Variants in MSRA observed in about 807,000 individuals in gnomAD.
MSRA encodes methionine sulfoxide reductase A, also known as mitochondrial peptide methionine sulfoxide reductase.
Under a neutral mutation model 31.3 loss-of-function variants are expected in MSRA, and 54 were observed. The ratio of observed to expected loss-of-function variants is 1.73; its 90% CI spans 1.39 to 2.17. The LOEUF is 2.17. MSRA is among the 30% of genes most tolerant of loss of function. The pLI is 0.00. For synonymous variants in MSRA, 169 were observed against 116.5 expected, an observed-to-expected ratio of 1.45 and a Z score of -2.90; for missense variants, 507 against 300.9, an observed-to-expected ratio of 1.69 and a Z score of -5.07.
chr8:10,363,119 C>G (rs570270721), intron 5 of MSRA, among the ~76,000 whole-genome samples: 1 of 152,236 alleles, frequency 6.6e-6, no homozygotes, highest in Non-Finnish European at 1.5e-5. Flanking sequence ...GTCCACTCTT[C>G]TAGCACTTTC....
intron 4 of MSRA, among the ~76,000 whole-genome samples, chr8:10,318,404 T>A (rs1225931613): frequency 6.6e-6 from 1 of 152,186 alleles, no homozygotes; most frequent in Non-Finnish European, 1.5e-5. Flanking sequence ...GTCCTGGTTA[T>A]TCCTTGAGAC....
chr8:10,180,075 C>T (rs1305156231), intron 1 of MSRA, among the ~76,000 whole-genome samples: 1 of 152,182 alleles, frequency 6.6e-6, no homozygotes, highest in Non-Finnish European at 1.5e-5. Flanking sequence ...TTAAGGGACT[C>T]AGTCCTTCAA....
intron 5 of MSRA, among the ~76,000 whole-genome samples, chr8:10,338,316 G>A (rs1233809685): frequency 2.6e-5 from 4 of 152,182 alleles, no homozygotes; most frequent in Non-Finnish European, 5.9e-5. Flanking sequence ...TCCTAAAGCA[G>A]GGAATAGAAA....
chr8:10,377,447 C>T (rs1805819263), intron 5 of MSRA, among the ~76,000 whole-genome samples: 1 of 152,232 alleles, frequency 6.6e-6, no homozygotes, highest in Admixed American at 6.5e-5. Flanking sequence ...TAATTACTGA[C>T]TCTGCTAGAA....
intron 5 of MSRA, chr8:10,337,949 G>C: frequency 1.6e-6 from 1 of 627,182 alleles, no homozygotes; most frequent in East Asian, 2.8e-5. Context: ...TGGAAGTAGG[G>C]AGGTAAACTG....
At chr8:10,394,721 C>T (rs753468643) in intron 5 of MSRA, among the ~76,000 whole-genome samples, 14 of 152,222 alleles carry the variant, frequency 9.2e-5, no homozygotes, top group Non-Finnish European at 1.9e-4. Context: ...TGCACTCTGC[C>T]CCAGCAGATT....
chr8:10,293,452 G>A (rs986699021), intron 3 of MSRA, among the ~76,000 whole-genome samples: 3 of 152,190 alleles, frequency 2.0e-5, no homozygotes, highest in East Asian at 1.9e-4. Context: ...CTGCTCAGGC[G>A]TGACTGCTTA....
At chr8:10,091,717 G>C (rs1037578517) in intron 1 of MSRA, among the ~76,000 whole-genome samples, 1 of 150,446 alleles carries the variant, frequency 6.6e-6, no homozygotes, top group Non-Finnish European at 1.5e-5. Context: ...AGTGATTCTC[G>C]TGCCTCAGCA....
intron 2 of MSRA, among the ~76,000 whole-genome samples, chr8:10,241,952 GA>G: frequency 6.6e-6 from 1 of 152,288 alleles, no homozygotes; most frequent in Middle Eastern, 3.4e-3. Flanking sequence ...CAAAGGAAAA[GA>G]ATGGAGACAA....
chr8:10,273,568 A>G lies in MSRA; in HGVS notation c.332-27966A>G, dbSNP rs1203273601. On this transcript the variant is annotated intron_variant, in intron 3 of 5. Transcript: ENST00000317173. ...AAGTTTTATAATCATGAGAACAGTGATAATTATTAATATCACAATTATCAG... is the reference window on the plus strand; with the variant it reads ...AAGTTTTATAATCATGAGAACAGTGGTAATTATTAATATCACAATTATCAG... Among the ~76,000 whole-genome samples, 3 of 152,346 alleles carry G rather than the reference A, an allele frequency of 2.0e-5. No individual in the cohort carries two copies. The East Asian group carries it at 5.8e-4, about 29-fold the overall frequency.
At chr8:10,410,699 G>C (rs771342148) in intron 5 of MSRA, among the ~76,000 whole-genome samples, 2 of 152,128 alleles carry the variant, frequency 1.3e-5, no homozygotes, top group Non-Finnish European at 2.9e-5. Flanking sequence ...ATCTCCTGGA[G>C]AACTCCTGGA....
intron 1 of MSRA, among the ~76,000 whole-genome samples, chr8:10,123,144 C>T (rs754314096): frequency 1.3e-5 from 2 of 152,238 alleles, no homozygotes; most frequent in African/African-American, 2.4e-5. Flanking sequence ...TTCCCACCAA[C>T]AGTGTGTAAG....
rs75923237 is a variant in MSRA at position 10,218,686 on chromosome 8, C to T, written c.211+10785C>T. Among the ~76,000 whole-genome samples, 767 of 152,286 alleles carry T rather than the reference C, an allele frequency of 5.0e-3. 6 individuals carry two copies. The highest frequency in any genetic ancestry group is 0.018 in the African/African-American group (733 of 41,552). On this transcript the variant is annotated intron_variant, in intron 2 of 5. Coordinates refer to ENST00000317173, the MANE Select transcript of MSRA (RefSeq NM_012331.5). ...TACCATTTTGCTCCATGTATCTGAG[C>T]ATGGCTCTAAACGTGTATTCCCAAG...
chr8:10,426,896 A>G (rs1809201934), intron 5 of MSRA, among the ~76,000 whole-genome samples: 1 of 152,152 alleles, frequency 6.6e-6, no homozygotes, highest in Admixed American at 6.5e-5. Flanking sequence ...CCCTGCAAGA[A>G]AACTGGCTGC....
chr8:10,348,550 A>G (rs1216109143), intron 5 of MSRA, among the ~76,000 whole-genome samples: 3 of 151,390 alleles, frequency 2.0e-5, no homozygotes, highest in African/African-American at 7.3e-5. Context: ...TTGTATTTTT[A>G]GTAGAGACGG....
At chr8:10,210,433 C>T (rs1809377145) in intron 2 of MSRA, among the ~76,000 whole-genome samples, 2 of 152,220 alleles carry the variant, frequency 1.3e-5, no homozygotes. Context: ...AAAGTATGAT[C>T]TGCAGCCAGG....
Position 10,227,910 on chromosome 8 carries a change from AAAAGT to A in MSRA, c.212-17189_212-17185del, listed in dbSNP as rs150240076. On this transcript the variant is annotated intron_variant, in intron 2 of 5. Transcript: ENST00000317173. ...TATTTAACATGATGTAGATTTTCAG[AAAAGT>A]AAAGAGCACAGAAGATAAATTGAAA... Among the ~76,000 whole-genome samples, 327 of 152,336 alleles carry A rather than the reference AAAAGT, an allele frequency of 2.1e-3. 2 individuals carry two copies. Among genetic ancestry groups the A allele is most frequent in the African/African-American group, 7.5e-3 (312 of 41,576 alleles).
intron 3 of MSRA, among the ~76,000 whole-genome samples, chr8:10,288,617 C>T (rs1322458578): frequency 6.6e-6 from 1 of 152,050 alleles, no homozygotes; most frequent in Non-Finnish European, 1.5e-5. Context: ...TTCCTCAGAC[C>T]AGCAACAGTG....
chr8:10,131,330 C>T (rs1042999299), intron 1 of MSRA, among the ~76,000 whole-genome samples: 12 of 152,128 alleles, frequency 7.9e-5, no homozygotes, highest in African/African-American at 2.4e-4. Flanking sequence ...CTGATAGGAT[C>T]AAAGAAAGCT....
Sources: allele counts gnomAD v4.1 joint callset (sites outside exome capture counted in the v4.1 genomes callset), GRCh38; gene constraint gnomAD v4.1.1; transcripts MANE v1.5; gene names NCBI Gene and HGNC (gene_info 2026-07-23, HGNC 2026-07-21).